PRDM5: variants seen among roughly 807,000 people sequenced by gnomAD.
The protein encoded by PRDM5 is PR/SET domain 5.
PRDM5 carries 56 observed loss-of-function variants against 81.2 expected under a neutral mutation model. That is an observed-to-expected ratio of 0.69 (90% CI 0.56 to 0.86). PRDM5 has a LOEUF of 0.86. PRDM5 is among the 40% of genes least tolerant of loss of function. PRDM5 has a pLI of 0.00. For missense variants in PRDM5, 697 were observed against 770.1 expected, an observed-to-expected ratio of 0.91 and a Z score of 1.12; for synonymous variants, 267 against 256.4, an observed-to-expected ratio of 1.04 and a Z score of -0.39.
rs2149298282 is a variant in PRDM5 at position 120,803,257 on chromosome 4, A to G, written c.946-3512T>C. Among the ~76,000 whole-genome samples the G allele has an allele frequency of 1.3e-5, 2 of 152,320 alleles. 1 individual carries two copies. The highest frequency in any genetic ancestry group is 4.1e-4 in the South Asian group (2 of 4,826). On this transcript the variant is annotated intron_variant, in intron 8 of 15. Transcript: ENST00000264808. ...TGTTGTACCTGAAAGTGACAGGGAG[A>G]ATGGGACCAAGACGGAAAACACTCT...
intron 3 of PRDM5, among the ~76,000 whole-genome samples, chr4:120,840,683 TG>T (rs1757929594): frequency 6.6e-6 from 1 of 152,090 alleles, no homozygotes; most frequent in African/African-American, 2.4e-5. Context: ...GACCGCAATA[TG>T]GGGCCCCTCT....
At chr4:120,719,897 TTCTC>T (rs765120947) in intron 14 of PRDM5, among the ~76,000 whole-genome samples, 9 of 152,182 alleles carry the variant, frequency 5.9e-5, no homozygotes, top group East Asian at 3.9e-4. Flanking sequence ...GGTTTTGTCT[TTCTC>T]TATCTAGGGG....
At chr4:120,823,092 T>A (rs1449081056) in intron 3 of PRDM5, among the ~76,000 whole-genome samples, 1 of 152,188 alleles carries the variant, frequency 6.6e-6, no homozygotes, top group East Asian at 1.9e-4. Context: ...GGTAACCCAC[T>A]AACCTAATAA....
chr4:120,885,390 A>C (rs1202726965), intron 2 of PRDM5: 1 of 152,132 alleles, frequency 6.6e-6, no homozygotes, highest in Non-Finnish European at 1.5e-5. Flanking sequence ...ACCAGCCCTG[A>C]AGCCTGCTTG....
In PRDM5 at chr4:120,702,931, A is replaced by G. The variant is rs115279163; in HGVS notation, c.1728+7378T>C. Among the ~76,000 whole-genome samples, 1,144 of 152,156 alleles carry G rather than the reference A, an allele frequency of 7.5e-3. 13 individuals carry two copies. Among genetic ancestry groups the G allele is most frequent in the African/African-American group, 0.027 (1,103 of 41,528 alleles). On this transcript the variant is annotated intron_variant, in intron 15 of 15. Transcript: ENST00000264808. ...TCCTAACTTGGCTGCAAAGCCTCCAATTCTCTTTTTTACTTCACCCTGCAT... is the reference window on the plus strand; with the variant it reads ...TCCTAACTTGGCTGCAAAGCCTCCAGTTCTCTTTTTTACTTCACCCTGCAT...
intron 14 of PRDM5, among the ~76,000 whole-genome samples, chr4:120,753,867 G>A (rs762733553): frequency 6.6e-5 from 10 of 152,194 alleles, no homozygotes; most frequent in Non-Finnish European, 1.3e-4. Flanking sequence ...CATTTAAAGT[G>A]TCTAATTGTG....
chr4:120,790,223 C>T (rs1247773072), intron 10 of PRDM5, among the ~76,000 whole-genome samples: 2 of 152,196 alleles, frequency 1.3e-5, no homozygotes, highest in Admixed American at 1.3e-4. Flanking sequence ...CTTTTTACAA[C>T]AGCTACCATT....
chr4:120,757,831 CTCTT>C lies in PRDM5; in HGVS notation c.1538-3197_1538-3194del, dbSNP rs1744994234. On this transcript the variant is annotated intron_variant, in intron 13 of 15. Coordinates refer to ENST00000264808, the MANE Select transcript of PRDM5 (RefSeq NM_018699.4). ...GGAACAGTGAATTAATTAATTCTCT[CTCTT>C]TCTCTCCTCCTCTTCCTCCTCCTCC... 2.0e-5 allele frequency among the ~76,000 whole-genome samples: 3 copies of C among 151,724 alleles called. No homozygotes were observed. The South Asian group carries it at 6.2e-4, about 32-fold the overall frequency.
rs780609146 is a variant in PRDM5 at position 120,922,620 on chromosome 4, C to T, written c.-12G>A. On this transcript the variant is annotated 5_prime_UTR_variant, in exon 1 of 16. Coordinates refer to ENST00000264808, the MANE Select transcript of PRDM5 (RefSeq NM_018699.4). ...TACATGCCCAGCATTTTCCCGGGCG[C>T]GGCGGCCGCCGCCTCTCTCAACACC... is the stretch of plus-strand genomic sequence containing the variant. 1.0e-5 allele frequency: 16 copies of T among 1,571,548 alleles called. No homozygotes were observed. The highest frequency in any genetic ancestry group is 2.3e-5 in the South Asian group (2 of 86,040).
At chr4:120,721,489 A>G (rs1323846203) in intron 14 of PRDM5, among the ~76,000 whole-genome samples, 2 of 152,196 alleles carry the variant, frequency 1.3e-5, no homozygotes, top group Non-Finnish European at 2.9e-5. Context: ...TAACAATGAC[A>G]AAAACAGCAT....
intron 8 of PRDM5, chr4:120,810,615 A>G (rs1308926695): frequency 6.6e-6 from 1 of 152,154 alleles, no homozygotes; most frequent in Non-Finnish European, 1.5e-5. Flanking sequence ...AACCAAAAAA[A>G]AAAAGTAGTT....
intron 14 of PRDM5, among the ~76,000 whole-genome samples, chr4:120,733,093 G>C (rs1207231142): frequency 1.3e-5 from 2 of 152,122 alleles, no homozygotes; most frequent in African/African-American, 2.4e-5. Context: ...AAGAAAAATA[G>C]GTAAGTTCAA....
intron 2 of PRDM5, among the ~76,000 whole-genome samples, chr4:120,855,415 C>T (rs1759761958): frequency 6.6e-6 from 1 of 152,164 alleles, no homozygotes; most frequent in Non-Finnish European, 1.5e-5. Flanking sequence ...CACTAAATAA[C>T]AAACTCTCAC....
At chr4:120,889,371 T>C (rs1315820877) in intron 2 of PRDM5, among the ~76,000 whole-genome samples, 1 of 152,208 alleles carries the variant, frequency 6.6e-6, no homozygotes, top group Non-Finnish European at 1.5e-5. Context: ...CAACAGTTTC[T>C]ATTTGTCTAT....
chr4:120,889,769 G>A (rs946392021), intron 2 of PRDM5, among the ~76,000 whole-genome samples: 2 of 151,992 alleles, frequency 1.3e-5, no homozygotes, highest in African/African-American at 4.8e-5. Context: ...TTTTCTCCAT[G>A]TCTACTCATG....
At chr4:120,724,893 A>G (rs1422351941) in intron 14 of PRDM5, among the ~76,000 whole-genome samples, 1 of 152,218 alleles carries the variant, frequency 6.6e-6, no homozygotes, top group Non-Finnish European at 1.5e-5. Flanking sequence ...AGGAAATCAT[A>G]TCAATATAAA....
intron 2 of PRDM5, among the ~76,000 whole-genome samples, chr4:120,885,065 G>C (rs866115387): frequency 1.6e-4 from 24 of 150,086 alleles, no homozygotes; most frequent in African/African-American, 5.7e-4. Flanking sequence ...AACCCGGGAG[G>C]GCGAGCTTGC....
chr4:120,919,033 C>A (rs951301442), intron 1 of PRDM5, among the ~76,000 whole-genome samples: 1 of 152,188 alleles, frequency 6.6e-6, no homozygotes. Flanking sequence ...GAACTTTATA[C>A]TGAACAGGCT....
intron 14 of PRDM5, among the ~76,000 whole-genome samples, chr4:120,727,000 T>C (rs549638879): frequency 6.6e-6 from 1 of 152,330 alleles, no homozygotes; most frequent in East Asian, 1.9e-4. Context: ...TTCTTGGTGA[T>C]AAACTGTCCC....
Sources: allele counts gnomAD v4.1 joint callset (sites outside exome capture counted in the v4.1 genomes callset), GRCh38; gene constraint gnomAD v4.1.1; transcripts MANE v1.5; gene names NCBI Gene and HGNC (gene_info 2026-07-23, HGNC 2026-07-21).